Variants in KATNAL2 observed in about 807,000 individuals in gnomAD.
KATNAL2 encodes the protein katanin p60 ATPase-containing subunit A-like 2.
In KATNAL2, 52 loss-of-function variants were observed where a neutral mutation model predicts 76.3. The ratio of observed to expected loss-of-function variants is 0.68; its 90% CI spans 0.55 to 0.86. The LOEUF is 0.86. Ranked by LOEUF, KATNAL2 falls within the 40% of genes least tolerant of loss-of-function variation. KATNAL2 has a pLI of 0.00. For synonymous variants in KATNAL2, 243 were observed against 244.2 expected (o/e 1.00, Z 0.05); for missense variants, 660 against 668.9 (o/e 0.99, Z 0.15).
intron 16 of KATNAL2, among the ~76,000 whole-genome samples, chr18:47,099,931 C>T (rs997774367): frequency 9.2e-5 from 14 of 152,240 alleles, no homozygotes; most frequent in Admixed American, 5.2e-4. Context: ...CAAGAATAAA[C>T]GTGCCTACCA....
At chr18:47,084,179 C>T (rs1256523110) in intron 15 of KATNAL2, among the ~76,000 whole-genome samples, 8 of 152,166 alleles carry the variant, frequency 5.3e-5, no homozygotes, top group Admixed American at 1.3e-4. Context: ...ATTTGAAACC[C>T]GCCGGGGCAA....
chr18:47,087,998 C>T (rs2062847906), intron 15 of KATNAL2, among the ~76,000 whole-genome samples: 1 of 152,142 alleles, frequency 6.6e-6, no homozygotes, highest in Non-Finnish European at 1.5e-5. Context: ...TGTTGAACAC[C>T]TTTTCCCACT....
intron 1 of KATNAL2, among the ~76,000 whole-genome samples, chr18:46,941,292 T>A (rs746265086): frequency 5.3e-5 from 8 of 152,014 alleles, no homozygotes; most frequent in Admixed American, 6.6e-5. Flanking sequence ...TGAGCCGAGA[T>A]CATGCCACTG....
intron 3 of KATNAL2, among the ~76,000 whole-genome samples, chr18:47,038,974 G>A (rs1156723740): frequency 6.6e-6 from 1 of 152,170 alleles, no homozygotes; most frequent in African/African-American, 2.4e-5. Context: ...GTAATAAAGT[G>A]TCATTGCTAC....
At chr18:47,035,778 T>G (rs2146974172) in intron 3 of KATNAL2, among the ~76,000 whole-genome samples, 1 of 152,368 alleles carries the variant, frequency 6.6e-6, no homozygotes, top group African/African-American at 2.4e-5. Flanking sequence ...TGACCTTCCA[T>G]GTTCGCAGGT....
At chr18:46,958,355 T>A (rs549013692) in intron 3 of KATNAL2, among the ~76,000 whole-genome samples, 2 of 152,144 alleles carry the variant, frequency 1.3e-5, no homozygotes, top group Non-Finnish European at 1.5e-5. Context: ...TAAATCCTTA[T>A]AATTATAAAT....
At chr18:47,068,132 C>G (rs1244837030) in intron 11 of KATNAL2, among the ~76,000 whole-genome samples, 3 of 152,232 alleles carry the variant, frequency 2.0e-5, no homozygotes, top group Non-Finnish European at 2.9e-5. Flanking sequence ...TAATGTCCCA[C>G]TGGCCAAAGT....
chr18:46,919,910 T>C, intron 1 of KATNAL2: 1 of 421,882 alleles, frequency 2.4e-6, no homozygotes, highest in South Asian at 1.8e-5. Flanking sequence ...TAGTAGGCTT[T>C]AAGTGAATGC....
chr18:46,957,148 C>G (rs1000404782), intron 3 of KATNAL2, among the ~76,000 whole-genome samples: 2 of 151,608 alleles, frequency 1.3e-5, no homozygotes, highest in Non-Finnish European at 2.9e-5. Context: ...CTTTGGGGTG[C>G]CCAGGCATTT....
intron 3 of KATNAL2, among the ~76,000 whole-genome samples, chr18:46,956,797 C>G (rs948827117): frequency 6.6e-6 from 1 of 152,076 alleles, no homozygotes; most frequent in African/African-American, 2.4e-5. Flanking sequence ...AATCCCAGCA[C>G]TTTGGGAGGC....
chr18:46,948,361 C>A (rs1186254695), intron 3 of KATNAL2, among the ~76,000 whole-genome samples: 1 of 151,668 alleles, frequency 6.6e-6, no homozygotes, highest in Non-Finnish European at 1.5e-5. Context: ...ATCTTCCCCC[C>A]TCAGCCTCCC....
chr18:47,071,738 T>C (rs2062008735), intron 13 of KATNAL2, among the ~76,000 whole-genome samples: 1 of 152,000 alleles, frequency 6.6e-6, no homozygotes, highest in Non-Finnish European at 1.5e-5. Flanking sequence ...TGAAGTTACA[T>C]GGATTTTCTG....
intron 1 of KATNAL2, among the ~76,000 whole-genome samples, chr18:46,925,821 A>G (rs1421661890): frequency 1.3e-5 from 2 of 152,138 alleles, no homozygotes; most frequent in Admixed American, 6.5e-5. Flanking sequence ...GGGAGGATGT[A>G]TGTGTCGAGG....
At chr18:46,960,427 C>CA (rs754973661) in intron 3 of KATNAL2, among the ~76,000 whole-genome samples, 62,152 of 140,306 alleles carry the variant, frequency 0.44, 13,286 homozygotes, top group Middle Eastern at 0.52. Flanking sequence ...AGCGAAACTT[C>CA]AAAAAAAAAA....
chr18:46,930,580 C>T (rs1440896620), intron 1 of KATNAL2, among the ~76,000 whole-genome samples: 1 of 152,154 alleles, frequency 6.6e-6, no homozygotes, highest in East Asian at 1.9e-4. Flanking sequence ...CTATGGGAGG[C>T]CGAGGCAGGT....
chr18:47,040,581 A>G (rs1374928144), intron 3 of KATNAL2, among the ~76,000 whole-genome samples: 1 of 152,202 alleles, frequency 6.6e-6, no homozygotes, highest in Non-Finnish European at 1.5e-5. Flanking sequence ...ATATTTATAA[A>G]ATATTATTTC....
chr18:46,926,698 C>CCTT (rs2058738880), intron 1 of KATNAL2, among the ~76,000 whole-genome samples: 1 of 152,048 alleles, frequency 6.6e-6, no homozygotes, highest in Non-Finnish European at 1.5e-5. Context: ...GAAAGTCTCC[C>CCTT]ATTATTATTG....
At chr18:47,032,941 C>A in intron 3 of KATNAL2, 2 of 1,611,826 alleles carry the variant, frequency 1.2e-6, no homozygotes, top group South Asian at 1.1e-5. Flanking sequence ...GTTCCCCAAC[C>A]CGCATTGACT....
chr18:46,918,244 G>A (rs1347778467), intron 1 of KATNAL2, among the ~76,000 whole-genome samples: 2 of 152,206 alleles, frequency 1.3e-5, no homozygotes, highest in African/African-American at 4.8e-5. Flanking sequence ...AAGATGCTGA[G>A]TCAAGATGGC....
Sources: allele counts gnomAD v4.1 joint callset (sites outside exome capture counted in the v4.1 genomes callset), GRCh38; gene constraint gnomAD v4.1.1; transcripts MANE v1.5; gene names NCBI Gene and HGNC (gene_info 2026-07-23, HGNC 2026-07-21).